Variants in MAF observed in about 807,000 individuals in gnomAD.
MAF encodes transcription factor Maf.
Under a neutral mutation model 22.0 loss-of-function variants are expected in MAF, and 10 were observed. That is an observed-to-expected ratio of 0.45 (90% CI 0.28 to 0.77). The LOEUF (loss-of-function observed/expected upper bound fraction) is 0.77. MAF is among the 30% of genes least tolerant of loss of function. MAF has a pLI of 0.12. For synonymous variants in MAF, 337 were observed against 255.8 expected, an observed-to-expected ratio of 1.32 and a Z score of -3.03; for missense variants, 544 against 548.4, an observed-to-expected ratio of 0.99 and a Z score of 0.08.
At chr16:79,529,446 C>G in the MAF span, among the ~76,000 whole-genome samples, 1 of 152,272 alleles carries the variant, frequency 6.6e-6, no homozygotes, top group East Asian at 1.9e-4. Context: ...ATTCTGAAAT[C>G]TACATACTAT....
At chr16:79,281,988 G>C in the MAF span, among the ~76,000 whole-genome samples, 2 of 152,066 alleles carry the variant, frequency 1.3e-5, no homozygotes, top group Admixed American at 6.6e-5. Context: ...CAGGAGTCCT[G>C]GTGTCTGGGT....
the MAF span, among the ~76,000 whole-genome samples, chr16:79,333,665 T>A: frequency 6.6e-6 from 1 of 152,324 alleles, no homozygotes; most frequent in Admixed American, 6.5e-5. Flanking sequence ...GAAGAGACAA[T>A]CTAACGCTGG....
chr16:79,578,451 T>C, the MAF span, among the ~76,000 whole-genome samples: 1 of 152,128 alleles, frequency 6.6e-6, no homozygotes, highest in African/African-American at 2.4e-5. Flanking sequence ...ACACGATGTA[T>C]CATTTTTCAA....
At chr16:79,246,969 A>G in the MAF span, among the ~76,000 whole-genome samples, 1 of 152,242 alleles carries the variant, frequency 6.6e-6, no homozygotes, top group Non-Finnish European at 1.5e-5. Flanking sequence ...GACAGAGTAA[A>G]CAACCAAACA....
At chr16:79,239,812 G>T in the MAF span, among the ~76,000 whole-genome samples, 1 of 152,004 alleles carries the variant, frequency 6.6e-6, no homozygotes, top group Non-Finnish European at 1.5e-5. Context: ...TGAGCAAATG[G>T]ATGATTCAAT....
the MAF span, among the ~76,000 whole-genome samples, chr16:79,361,819 G>C: frequency 1.3e-5 from 2 of 152,140 alleles, no homozygotes; most frequent in Non-Finnish European, 2.9e-5. Flanking sequence ...TCGAGAAAAA[G>C]TCAGATAAAT....
the MAF span, among the ~76,000 whole-genome samples, chr16:79,446,400 C>A: frequency 9.2e-5 from 14 of 152,150 alleles, no homozygotes; most frequent in South Asian, 2.1e-4. Flanking sequence ...TTGCCTAGGA[C>A]AGCCCCAGGT....
the MAF span, among the ~76,000 whole-genome samples, chr16:79,298,861 CTG>C: frequency 8.5e-5 from 13 of 152,386 alleles, no homozygotes; most frequent in East Asian, 2.5e-3. Flanking sequence ...CAAATGGAAA[CTG>C]TACCATCGCC....
the MAF span, among the ~76,000 whole-genome samples, chr16:79,453,901 C>G: frequency 6.6e-6 from 1 of 152,064 alleles, no homozygotes. Context: ...CACACTGAAT[C>G]CAGAGTGAAA....
the MAF span, among the ~76,000 whole-genome samples, chr16:79,475,279 A>G: frequency 6.6e-6 from 1 of 151,514 alleles, no homozygotes; most frequent in African/African-American, 2.4e-5. Context: ...AAGAAAAAAT[A>G]TATATATTAT....
chr16:79,515,569 G>C, the MAF span, among the ~76,000 whole-genome samples: 3 of 152,202 alleles, frequency 2.0e-5, no homozygotes, highest in Non-Finnish European at 2.9e-5. Context: ...TAGGTTAGGT[G>C]AATTAAATGC....
chr16:79,435,998 GAGA>G, the MAF span, among the ~76,000 whole-genome samples: 2 of 152,210 alleles, frequency 1.3e-5, no homozygotes, highest in Non-Finnish European at 2.9e-5. Flanking sequence ...CATGCGGTTG[GAGA>G]AGATTTCACC....
chr16:79,293,793 T>G, the MAF span, among the ~76,000 whole-genome samples: 1 of 151,912 alleles, frequency 6.6e-6, no homozygotes, highest in Non-Finnish European at 1.5e-5. Flanking sequence ...AAGAACCACC[T>G]TTTCTTGTGC....
chr16:79,475,425 T>C, the MAF span, among the ~76,000 whole-genome samples: 1 of 151,488 alleles, frequency 6.6e-6, no homozygotes, highest in African/African-American at 2.4e-5. Flanking sequence ...TCCAGGTCTA[T>C]GTCCAGGATC....
the MAF span, among the ~76,000 whole-genome samples, chr16:79,336,736 G>T: frequency 6.6e-6 from 1 of 152,114 alleles, no homozygotes; most frequent in Non-Finnish European, 1.5e-5. Context: ...TTTTACTTGG[G>T]CACATGAGTC....
the MAF span, among the ~76,000 whole-genome samples, chr16:79,363,014 C>A: frequency 1.3e-5 from 2 of 152,310 alleles, no homozygotes; most frequent in East Asian, 3.9e-4. Flanking sequence ...ACTGCAAAGT[C>A]ATTTCAGCTT....
chr16:79,319,013 T>A, the MAF span, among the ~76,000 whole-genome samples: 1 of 152,250 alleles, frequency 6.6e-6, no homozygotes, highest in Non-Finnish European at 1.5e-5. Flanking sequence ...CAACTATTTA[T>A]TTCAGCAAGG....
At chr16:79,275,283 G>A in the MAF span, among the ~76,000 whole-genome samples, 1 of 152,160 alleles carries the variant, frequency 6.6e-6, no homozygotes, top group African/African-American at 2.4e-5. Flanking sequence ...TTGAACTCAG[G>A]GAGGTTGCAG....
At chr16:79,347,051 G>T in the MAF span, among the ~76,000 whole-genome samples, 61 of 152,260 alleles carry the variant, frequency 4.0e-4, no homozygotes, top group South Asian at 0.013. Context: ...CCCTGAGAAA[G>T]CTCCTTAACC....
Sources: gnomAD v4.1 joint callset for allele counts (sites outside exome capture counted in the v4.1 genomes callset) on GRCh38, gnomAD v4.1.1 for gene constraint, MANE v1.5 for transcripts, NCBI Gene and HGNC (gene_info 2026-07-23, HGNC 2026-07-21) for gene names.